DAB2IP: variants seen among roughly 807,000 people sequenced by gnomAD.
DAB2IP encodes the protein DAB2 interacting protein.
Under a neutral mutation model 107.2 loss-of-function variants are expected in DAB2IP, and 28 were observed. That is an observed-to-expected ratio of 0.26 (90% CI 0.19 to 0.36). DAB2IP has a LOEUF of 0.36. DAB2IP is among the 10% of genes least tolerant of loss of function. DAB2IP has a pLI of 1.00. For synonymous variants in DAB2IP, 755 were observed against 706.4 expected, an observed-to-expected ratio of 1.07 and a Z score of -1.09; for missense variants, 1,400 against 1,644.7, an observed-to-expected ratio of 0.85 and a Z score of 2.57.
At position 121,776,091 on chromosome 9, in the gene DAB2IP, G is replaced by A; in HGVS notation, c.3121-107G>A. 2 of 1,322,108 alleles carry A rather than the reference G, an allele frequency of 1.5e-6. No individual in the cohort carries two copies. Among genetic ancestry groups the A allele is most frequent in the East Asian group, 2.5e-5 (1 of 39,348 alleles). The allele number at this position is 1,322,108 out of a possible 1,614,324, so 81.9% of individuals were successfully genotyped here. On this transcript the variant is annotated intron_variant, in intron 13 of 15. Transcript: ENST00000408936. The surrounding 1 kb of genome is among the most constrained non-coding windows in gnomAD (Gnocchi z 5.4). Reference sequence around the variant, plus strand: ...TGAAGTGGGCGGGTCACAGCCACTGGGGCCTTTCAAGTGGGGCTCCCTCCT... The same window carrying A: ...TGAAGTGGGCGGGTCACAGCCACTGAGGCCTTTCAAGTGGGGCTCCCTCCT...
chr9:121,666,801 T>C lies in DAB2IP; in HGVS notation c.125-11877T>C, dbSNP rs1015552144. Among the ~76,000 whole-genome samples, 5 of 151,752 alleles carry C rather than the reference T, an allele frequency of 3.3e-5. No individual in the cohort carries two copies. In the South Asian group the frequency reaches 1.0e-3, roughly 32 times the overall value. ...AGTGTGCAGTGGGAGCCAGGAGAGC[T>C]GCCAATTTATCAATGCATTATTTTA... On this transcript the variant is annotated intron_variant, in intron 1 of 15. Transcript: ENST00000408936.
chr9:121,782,647 G>A lies in DAB2IP; in HGVS notation c.*149G>A, dbSNP rs763525366. Reference sequence around the variant, plus strand: ...CCCTCCCTGCCGCTGTCCAGGAGGCGGCCGCAGAGGGAGCCACCAGAGACT... The same window carrying A: ...CCCTCCCTGCCGCTGTCCAGGAGGCAGCCGCAGAGGGAGCCACCAGAGACT... On this transcript the variant is annotated 3_prime_UTR_variant, in exon 16 of 16. Coordinates refer to ENST00000408936, the Ensembl canonical transcript of DAB2IP. This position sits in a 1 kb window ranked among gnomAD's most constrained non-coding sequence, Gnocchi z 6.1. 2.8e-5 allele frequency: 41 copies of A among 1,463,302 alleles called. No homozygotes were observed. The highest frequency in any genetic ancestry group is 2.2e-4 in the Middle Eastern group (1 of 4,516). The allele number at this position is 1,463,302 out of a possible 1,614,324, so 90.6% of individuals were successfully genotyped here.
At chr9:121,638,753 G>A (rs536216442) in intron 1 of DAB2IP, among the ~76,000 whole-genome samples, 10 of 152,288 alleles carry the variant, frequency 6.6e-5, no homozygotes, top group Admixed American at 1.3e-4. Flanking sequence ...GGGGGATGGA[G>A]GTCCCCAAAG....
intron 9 of DAB2IP, 24 bp downstream of exon 9, chr9:121,766,754 G>A: frequency 1.2e-6 from 2 of 1,610,810 alleles, no homozygotes; most frequent in Non-Finnish European, 1.7e-6. Flanking sequence ...CCCTCACCAG[G>A]CAGAGTTGGG....
At chr9:121,689,147 A>T (rs1395697867) in intron 2 of DAB2IP, among the ~76,000 whole-genome samples, 2 of 152,106 alleles carry the variant, frequency 1.3e-5, no homozygotes, top group African/African-American at 4.8e-5. Flanking sequence ...ACAAAAAATT[A>T]GCCGGGCGTG....
At position 121,662,595 on chromosome 9, in the gene DAB2IP, T is replaced by C. The variant is rs1168339986; in HGVS notation, c.124+10696T>C. 6.6e-6 allele frequency among the ~76,000 whole-genome samples: 1 copy of C among 152,188 alleles called. No homozygotes were observed. Among genetic ancestry groups the C allele is most frequent in the Non-Finnish European group, 1.5e-5 (1 of 67,998 alleles). On this transcript the variant is annotated intron_variant, in intron 1 of 15. Transcript: ENST00000408936. This position sits in a 1 kb window ranked among gnomAD's most constrained non-coding sequence, Gnocchi z 4.6. ...TATGGACTTGTAAGCCTGAAATATT[T>C]GCTATCTGGCCTTTTATGGAAAGTT...
chr9:121,639,436 T>C (rs902716538), intron 1 of DAB2IP, among the ~76,000 whole-genome samples: 2 of 152,170 alleles, frequency 1.3e-5, no homozygotes, highest in Non-Finnish European at 2.9e-5. Flanking sequence ...ACCATGCCTA[T>C]CAGAGCTGTA....
chr9:121,568,456 A>G (rs558597597), intron 1 of DAB2IP, among the ~76,000 whole-genome samples: 10 of 152,310 alleles, frequency 6.6e-5, no homozygotes, highest in African/African-American at 2.2e-4. Context: ...GTCCTAACAA[A>G]TAGTTGGTGC....
At chr9:121,656,227 C>T (rs1832967378) in intron 1 of DAB2IP, among the ~76,000 whole-genome samples, 1 of 152,080 alleles carries the variant, frequency 6.6e-6, no homozygotes, top group Admixed American at 6.5e-5. Context: ...AGGCTGGTCT[C>T]GAACTCCCAG....
In DAB2IP at chr9:121,699,540, C is replaced by T; in HGVS notation, c.362+82C>T. On this transcript the variant is annotated intron_variant, in intron 3 of 15. Transcript: ENST00000408936. This position sits in a 1 kb window ranked among gnomAD's most constrained non-coding sequence, Gnocchi z 6.2. ...AGGACGCGGGGACAAAGCGCGAGCC[C>T]GGCCCGGGGCGAGCCACACGGCGGT... 8.8e-7 allele frequency: 1 copy of T among 1,131,920 alleles called. No individual in the cohort carries two copies. Among genetic ancestry groups the T allele is most frequent in the East Asian group, 4.5e-5 (1 of 22,154 alleles). 70.1% of individuals were successfully genotyped at this position (1,131,920 alleles called of 1,614,324 possible).
intron 2 of DAB2IP, among the ~76,000 whole-genome samples, chr9:121,694,305 C>T (rs924290120): frequency 1.3e-5 from 2 of 152,170 alleles, no homozygotes; most frequent in Admixed American, 6.5e-5. Context: ...TCTGAGCCTG[C>T]ATTCCCCCAC....
chr9:121,678,621 C>T (rs1828400830), intron 1 of DAB2IP, 57 bp from the exon 2 acceptor site: 1 of 1,385,744 alleles, frequency 7.2e-7, no homozygotes, highest in African/African-American at 1.5e-5. Flanking sequence ...GCAGGAGGCC[C>T]TAGCTGTGTG....
At chr9:121,659,235 A>T (rs928691899) in intron 1 of DAB2IP, among the ~76,000 whole-genome samples, 7 of 152,070 alleles carry the variant, frequency 4.6e-5, no homozygotes, top group African/African-American at 1.7e-4. Flanking sequence ...AGATTTGTGG[A>T]CTTTGGGTTC....
Position 121,677,159 on chromosome 9 carries a change from T to C in DAB2IP, c.125-1519T>C, listed in dbSNP as rs73536716. Among the ~76,000 whole-genome samples the C allele has an allele frequency of 1.8e-3, 281 of 152,264 alleles. 2 individuals carry two copies. Among genetic ancestry groups the C allele is most frequent in the African/African-American group, 6.1e-3 (254 of 41,566 alleles). ...ATTCTGGATTTCCTGCTGGCCTCTG[T>C]AGGCCTCCCAAGTTTAAAGCCTCTG... is the stretch of plus-strand genomic sequence containing the variant. On this transcript the variant is annotated intron_variant, in intron 1 of 15. Transcript: ENST00000408936.
At chr9:121,733,582 A>G (rs1365218493) in intron 3 of DAB2IP, among the ~76,000 whole-genome samples, 2 of 152,204 alleles carry the variant, frequency 1.3e-5, no homozygotes, top group African/African-American at 4.8e-5. Flanking sequence ...GGCCCTGAGA[A>G]CCAGAGATGA....
In DAB2IP at chr9:121,662,027, G is replaced by A. The variant is rs1253153479; in HGVS notation, c.124+10128G>A. On this transcript the variant is annotated intron_variant, in intron 1 of 15. Coordinates refer to ENST00000408936, the Ensembl canonical transcript of DAB2IP. The surrounding 1 kb of genome is among the most constrained non-coding windows in gnomAD (Gnocchi z 4.6). ...CCAACTCCTAAGATTACAAAAAGCA[G>A]TAAATATCTATTACAGAACAGAAGA... Among the ~76,000 whole-genome samples, 1 of 151,508 alleles carries A rather than the reference G, an allele frequency of 6.6e-6. No individual in the cohort carries two copies. Among genetic ancestry groups the A allele is most frequent in the Admixed American group, 6.6e-5 (1 of 15,230 alleles).
Position 121,757,167 on chromosome 9 carries a change from G to A in DAB2IP, c.516+1G>A. 1 of 1,613,592 alleles carries A rather than the reference G, an allele frequency of 6.2e-7. No individual in the cohort carries two copies. The highest frequency in any genetic ancestry group is 8.5e-7 in the Non-Finnish European group (1 of 1,179,678). Reference sequence around the variant, plus strand: ...CCTTGGCCAGGACTACTGCTTCGAGGTGGGTCCCATCACAGGGGTTGGGGT... The same window carrying A: ...CCTTGGCCAGGACTACTGCTTCGAGATGGGTCCCATCACAGGGGTTGGGGT... On this transcript the variant is annotated splice_donor_variant, in intron 4 of 15. Coordinates refer to ENST00000408936, the Ensembl canonical transcript of DAB2IP. LOFTEE classifies it high-confidence loss of function.
chr9:121,693,578 T>C (rs571588236), intron 2 of DAB2IP, among the ~76,000 whole-genome samples: 2 of 152,348 alleles, frequency 1.3e-5, no homozygotes, highest in African/African-American at 4.8e-5. Flanking sequence ...GAAACTGCCA[T>C]GGGAGGAGCC....
intron 2 of DAB2IP, among the ~76,000 whole-genome samples, chr9:121,679,094 T>C (rs1351681038): frequency 2.0e-5 from 3 of 152,116 alleles, no homozygotes; most frequent in African/African-American, 7.2e-5. Flanking sequence ...TTTAGATAAA[T>C]GTACCCTTGA....
Sources: gnomAD v4.1 joint callset for allele counts (sites outside exome capture counted in the v4.1 genomes callset) on GRCh38, gnomAD v4.1.1 for gene constraint, Gnocchi (gnomAD v3.1) non-coding constraint, MANE v1.5 for transcripts, NCBI Gene and HGNC (gene_info 2026-07-23, HGNC 2026-07-21) for gene names.